Variants in RIT2 observed in about 807,000 individuals in gnomAD.
RIT2 encodes the protein Ras like without CAAX 2.
A neutral mutation model predicts 23.7 loss-of-function variants in RIT2; 24 were observed. The observed-to-expected ratio is 1.01, with a 90% CI of 0.73 to 1.43. The LOEUF (loss-of-function observed/expected upper bound fraction) is 1.43, where lower values mean the gene tolerates loss of function less well. RIT2 is among the 40% of genes most tolerant of loss of function. RIT2 has a pLI of 0.00. For synonymous variants in RIT2, 107 were observed against 91.1 expected, an observed-to-expected ratio of 1.17 and a Z score of -0.99; for missense variants, 236 against 266.9, an observed-to-expected ratio of 0.88 and a Z score of 0.81.
intron 3 of RIT2, among the ~76,000 whole-genome samples, chr18:42,960,823 A>T (rs1477553549): frequency 6.6e-6 from 1 of 152,158 alleles, no homozygotes; most frequent in East Asian, 1.9e-4. Flanking sequence ...TTGCTTTTTT[A>T]TGAAGAAGGT....
chr18:42,803,604 T>C (rs1278723409), intron 4 of RIT2, among the ~76,000 whole-genome samples: 1 of 152,194 alleles, frequency 6.6e-6, no homozygotes, highest in Admixed American at 6.5e-5. Flanking sequence ...ACTATTGTGG[T>C]ATTATAGGAT....
chr18:43,080,255 T>G (rs1031885582), intron 1 of RIT2, among the ~76,000 whole-genome samples: 3 of 152,314 alleles, frequency 2.0e-5, no homozygotes, highest in Middle Eastern at 3.4e-3. Context: ...AAGGCAGGCA[T>G]TTTTCTTCCC....
chr18:42,825,005 G>A (rs1380916811), intron 4 of RIT2, among the ~76,000 whole-genome samples: 1 of 151,646 alleles, frequency 6.6e-6, no homozygotes, highest in Non-Finnish European at 1.5e-5. Context: ...ATTAATTGCA[G>A]GAATCTGACA....
intron 4 of RIT2, among the ~76,000 whole-genome samples, chr18:42,867,575 CAGG>C (rs1203464851): frequency 1.3e-5 from 2 of 151,438 alleles, no homozygotes; most frequent in Non-Finnish European, 2.9e-5. Context: ...TGCTTGAGTC[CAGG>C]AGTTGGAGAC....
At chr18:42,769,186 T>A (rs595165) in intron 4 of RIT2, among the ~76,000 whole-genome samples, 83,390 of 152,030 alleles carry the variant, frequency 0.55, 26,023 homozygotes, top group Middle Eastern at 0.71. Flanking sequence ...GAAAGATATA[T>A]TCTGATAATA....
intron 4 of RIT2, among the ~76,000 whole-genome samples, chr18:42,750,106 A>G (rs965632545): frequency 1.3e-5 from 2 of 151,812 alleles, no homozygotes; most frequent in African/African-American, 4.8e-5. Context: ...AAGAAATCAG[A>G]CCTAAGGAAC....
At chr18:42,806,429 A>G (rs1278902268) in intron 4 of RIT2, among the ~76,000 whole-genome samples, 1 of 152,098 alleles carries the variant, frequency 6.6e-6, no homozygotes, top group Non-Finnish European at 1.5e-5. Context: ...TGATTGTGCC[A>G]TTGCACTCCA....
intron 1 of RIT2, among the ~76,000 whole-genome samples, chr18:43,077,875 T>A (rs994689867): frequency 5.9e-5 from 9 of 152,228 alleles, no homozygotes. Flanking sequence ...AATTTTTAAA[T>A]GTATTATGCT....
At chr18:42,884,558 A>G (rs1382460034) in intron 4 of RIT2, among the ~76,000 whole-genome samples, 1 of 152,198 alleles carries the variant, frequency 6.6e-6, no homozygotes, top group Non-Finnish European at 1.5e-5. Flanking sequence ...CACCCTCAGT[A>G]TTCATTCCCC....
chr18:42,846,632 T>C (rs1440577020), intron 4 of RIT2, among the ~76,000 whole-genome samples: 3 of 152,004 alleles, frequency 2.0e-5, no homozygotes, highest in Non-Finnish European at 4.4e-5. Flanking sequence ...TTTGGTTTAA[T>C]ATTCAACAAA....
intron 2 of RIT2, among the ~76,000 whole-genome samples, chr18:43,014,111 C>G (rs1253355591): frequency 6.6e-6 from 1 of 151,780 alleles, no homozygotes; most frequent in Non-Finnish European, 1.5e-5. Context: ...AGTAGAGTAT[C>G]AGGGAACTTA....
At chr18:43,025,221 C>CA (rs1207895767) in intron 2 of RIT2, among the ~76,000 whole-genome samples, 47 of 121,980 alleles carry the variant, frequency 3.9e-4, no homozygotes, top group African/African-American at 1.4e-3. Context: ...AAAAACAAAA[C>CA]AAAACAAAAA....
At chr18:43,045,515 A>G (rs1912225994) in intron 1 of RIT2, among the ~76,000 whole-genome samples, 1 of 152,192 alleles carries the variant, frequency 6.6e-6, no homozygotes, top group Admixed American at 6.5e-5. Context: ...ATTGGTTTAG[A>G]AGATTATCAA....
At chr18:42,894,244 T>C (rs1005868625) in intron 4 of RIT2, among the ~76,000 whole-genome samples, 1 of 152,174 alleles carries the variant, frequency 6.6e-6, no homozygotes, top group African/African-American at 2.4e-5. Flanking sequence ...ACAAAAAGAT[T>C]GTCCATAAAA....
chr18:42,930,069 A>T (rs1909288688), intron 3 of RIT2, among the ~76,000 whole-genome samples: 1 of 152,072 alleles, frequency 6.6e-6, no homozygotes, highest in South Asian at 2.1e-4. Context: ...CGTTAGTATG[A>T]CTCATATAAA....
chr18:42,999,862 T>A lies in RIT2; in HGVS notation c.161-25715A>T, dbSNP rs552745025. On this transcript the variant is annotated intron_variant, in intron 2 of 4. Coordinates refer to ENST00000326695, the MANE Select transcript of RIT2 (RefSeq NM_002930.4). ...TTTGACTTCTTATTTCTTCCTTTAA[T>A]AAGAGAACTGTATTGAGAATCAAAA... is the stretch of plus-strand genomic sequence containing the variant. Among the ~76,000 whole-genome samples the A allele has an allele frequency of 5.3e-5, 8 of 152,130 alleles. No homozygotes were observed. In the East Asian group the frequency reaches 1.6e-3, roughly 29 times the overall value.
intron 4 of RIT2, among the ~76,000 whole-genome samples, chr18:42,784,064 T>C (rs1913871651): frequency 6.6e-6 from 1 of 152,050 alleles, no homozygotes; most frequent in Non-Finnish European, 1.5e-5. Context: ...TCACTAGTTA[T>C]TTGGAGTGAG....
intron 2 of RIT2, among the ~76,000 whole-genome samples, chr18:42,980,742 C>A (rs921750968): frequency 1.3e-5 from 2 of 152,042 alleles, no homozygotes; most frequent in Non-Finnish European, 2.9e-5. Flanking sequence ...GACACAGAAC[C>A]CTACCTGGAG....
intron 4 of RIT2, among the ~76,000 whole-genome samples, chr18:42,808,298 A>G (rs1020397522): frequency 2.6e-5 from 4 of 152,212 alleles, no homozygotes; most frequent in Admixed American, 1.3e-4. Flanking sequence ...GCATTCTGCT[A>G]AAACACATCA....
Sources: gnomAD v4.1 joint callset for allele counts (sites outside exome capture counted in the v4.1 genomes callset) on GRCh38, gnomAD v4.1.1 for gene constraint, MANE v1.5 for transcripts, NCBI Gene and HGNC (gene_info 2026-07-23, HGNC 2026-07-21) for gene names.